EXTL3: variants seen among roughly 807,000 people sequenced by gnomAD.
The protein encoded by EXTL3 is exostosin-like 3.
Under a neutral mutation model 69.3 loss-of-function variants are expected in EXTL3, and 27 were observed. The observed-to-expected ratio is 0.39, with a 90% confidence interval of 0.29 to 0.54. The LOEUF (loss-of-function observed/expected upper bound fraction) is 0.54. Ranked by LOEUF, EXTL3 falls within the 20% of genes least tolerant of loss-of-function variation. The pLI is 0.69. For synonymous variants in EXTL3, 511 were observed against 499.4 expected, an observed-to-expected ratio of 1.02 and a Z score of -0.31; for missense variants, 1,003 against 1,231.8, an observed-to-expected ratio of 0.81 and a Z score of 2.78.
Position 28,750,950 on chromosome 8 carries a change from A to G in EXTL3, c.*84A>G, listed in dbSNP as rs1359277679. On this transcript the variant is annotated 3_prime_UTR_variant, in exon 7 of 7. Coordinates refer to ENST00000220562, the MANE Select transcript of EXTL3 (RefSeq NM_001440.4). This position sits in a 1 kb window ranked among gnomAD's most constrained non-coding sequence, Gnocchi z 5.2. ...TCCTAGGCATTGCAGGACCTTGGGC[A>G]CATCTGCTGGTGGGTGGCCCAGAGC... The G allele has an allele frequency of 3.0e-5, 37 of 1,231,336 alleles. No homozygotes were observed. Among genetic ancestry groups the G allele is most frequent in the Non-Finnish European group, 4.2e-5 (36 of 849,618 alleles). The allele number at this position is 1,231,336 out of a possible 1,614,324, so 76.3% of individuals were successfully genotyped here.
At chr8:28,748,480 G>C (rs1801935557) in intron 6 of EXTL3, among the ~76,000 whole-genome samples, 1 of 152,042 alleles carries the variant, frequency 6.6e-6, no homozygotes, top group African/African-American at 2.4e-5. Context: ...GTGTATAGTT[G>C]AGCTAATAAA....
At chr8:28,713,586 T>G (rs1331179598) in intron 2 of EXTL3, 36 bp downstream of exon 2, 1 of 695,152 alleles carries the variant, frequency 1.4e-6, no homozygotes, top group Non-Finnish European at 2.6e-6. Context: ...TTGCTGTGAT[T>G]ACGCCTTCTT....
intron 1 of EXTL3, among the ~76,000 whole-genome samples, chr8:28,658,598 C>CT (rs1290760301): frequency 5.3e-5 from 8 of 151,932 alleles, no homozygotes; most frequent in Non-Finnish European, 7.4e-5. Flanking sequence ...CTCATGCACT[C>CT]TTTTTTTGAG....
At position 28,737,620 on chromosome 8, in the gene EXTL3, G is replaced by A; in HGVS notation, c.2378G>A (p.Cys793Tyr). 2 of 1,614,126 alleles carry A rather than the reference G, an allele frequency of 1.2e-6. No individual in the cohort carries two copies. Among genetic ancestry groups the A allele is most frequent in the South Asian group, 1.1e-5 (1 of 91,080 alleles). The change falls in exon 5 of 7, where the codon TGT (cysteine) becomes TAT (tyrosine). Residue 793 changes from cysteine to tyrosine, a missense_variant. Transcript: ENST00000220562. Reference protein sequence around the residue: ...QSWLYNSNYSCELSMVLTGAA... With the variant: ...QSWLYNSNYSYELSMVLTGAA... ...TGGCTCTACAACTCCAACTACTCCT[G>A]TGAGCTGTCCATGGTGCTGACAGGT... is the stretch of plus-strand genomic sequence containing the variant.
chr8:28,656,883 G>GTCTTTCTTTCTTTCTTTCTTTCTTTCTT (rs150342301), intron 1 of EXTL3, among the ~76,000 whole-genome samples: 2 of 151,256 alleles, frequency 1.3e-5, no homozygotes, highest in Non-Finnish European at 3.0e-5. Flanking sequence ...ATTATGGTTG[G>GTCTTTCTTTCTTTCTTTCTTTCTTTCTT]TCTTTCTTTC....
At position 28,693,680 on chromosome 8, in the gene EXTL3, C is replaced by A. The variant is rs565210380; in HGVS notation, c.-52-19777C>A. 1.7e-3 allele frequency among the ~76,000 whole-genome samples: 252 copies of A among 152,304 alleles called. 1 individual carries two copies. Among genetic ancestry groups the A allele is most frequent in the African/African-American group, 5.8e-3 (243 of 41,582 alleles). On this transcript the variant is annotated intron_variant, in intron 1 of 6. Transcript: ENST00000523149. ...GGCCCCACCTTTGGCCAGACAAAAA[C>A]CAGCCACTTTTAAAAGGTAACATCA...
intron 1 of EXTL3, among the ~76,000 whole-genome samples, chr8:28,667,352 T>C (rs1807212995): frequency 6.6e-6 from 1 of 152,168 alleles, no homozygotes; most frequent in Non-Finnish European, 1.5e-5. Flanking sequence ...GGATGAGGCC[T>C]GGTCAAGAAG....
intron 1 of EXTL3, among the ~76,000 whole-genome samples, chr8:28,689,572 C>T (rs1448525453): frequency 6.6e-6 from 1 of 152,168 alleles, no homozygotes; most frequent in African/African-American, 2.4e-5. Flanking sequence ...ACTCTAGCAT[C>T]TACTAAAATA....
chr8:28,643,584 T>G (rs1013960861), intron 1 of EXTL3, among the ~76,000 whole-genome samples: 6 of 151,496 alleles, frequency 4.0e-5, no homozygotes, highest in Non-Finnish European at 8.8e-5. Context: ...CCGGCTAATT[T>G]TTTTTTTGTA....
At chr8:28,630,124 G>A (rs751884489) in intron 1 of EXTL3, among the ~76,000 whole-genome samples, 14 of 152,114 alleles carry the variant, frequency 9.2e-5, no homozygotes, top group African/African-American at 2.2e-4. Flanking sequence ...TCCATGTGTC[G>A]TGGGAGGGAC....
rs569825212 is a variant in EXTL3, at chr8:28,616,639, A to C, written n.314+8881A>C. Among the ~76,000 whole-genome samples, 421 of 152,076 alleles carry C rather than the reference A, an allele frequency of 2.8e-3. 1 individual carries two copies. Among genetic ancestry groups the C allele is most frequent in the African/African-American group, 8.8e-3 (363 of 41,456 alleles). ...GAGACTCCGTCTCAAAAAAAAAAAA[A>C]AGCCAAAATGTGTGCTCTTCAAGAT... On this transcript the variant is annotated intron_variant and non_coding_transcript_variant, in intron 2 of 4. Transcript: ENST00000522725.
intron 1 of EXTL3, among the ~76,000 whole-genome samples, chr8:28,681,623 T>C (rs556522846): frequency 1.6e-4 from 25 of 152,352 alleles, no homozygotes; most frequent in Admixed American, 2.6e-4. Context: ...CAGATATATC[T>C]TTAACATGCT....
intron 3 of EXTL3, among the ~76,000 whole-genome samples, chr8:28,722,900 C>A (rs1344955187): frequency 6.6e-6 from 1 of 151,518 alleles, no homozygotes; most frequent in Non-Finnish European, 1.5e-5. Context: ...ATATAAATAT[C>A]ATTCCAGGGG....
At chr8:28,688,026 G>A (rs1800552698) in intron 1 of EXTL3, among the ~76,000 whole-genome samples, 1 of 150,834 alleles carries the variant, frequency 6.6e-6, no homozygotes, top group Non-Finnish European at 1.5e-5. Context: ...GCCCCCCAGG[G>A]ATTAAAGAGT....
chr8:28,648,716 G>A (rs555445924), intron 1 of EXTL3, among the ~76,000 whole-genome samples: 15 of 151,596 alleles, frequency 9.9e-5, no homozygotes, highest in African/African-American at 3.6e-4. Flanking sequence ...ACATATGCAT[G>A]CACAGATCAT....
chr8:28,615,950 G>C (rs13260373), intron 2 of EXTL3, among the ~76,000 whole-genome samples: 45,067 of 151,828 alleles, frequency 0.3, 6,916 homozygotes, highest in African/African-American at 0.36. Context: ...AAATCTATCA[G>C]TAGGCCAGGC....
intron 1 of EXTL3, among the ~76,000 whole-genome samples, chr8:28,687,720 C>G (rs779382159): frequency 4.6e-5 from 7 of 151,986 alleles, no homozygotes; most frequent in Admixed American, 1.3e-4. Context: ...CCCAGACACA[C>G]AAGCATTTAA....
chr8:28,616,822 C>A (rs578220319), intron 2 of EXTL3, among the ~76,000 whole-genome samples: 30 of 152,336 alleles, frequency 2.0e-4, no homozygotes, highest in African/African-American at 6.7e-4. Flanking sequence ...CACCTGGAGA[C>A]TCCTCTTCAT....
intron 1 of EXTL3, among the ~76,000 whole-genome samples, chr8:28,652,509 C>A (rs1372983659): frequency 6.6e-6 from 1 of 151,906 alleles, no homozygotes; most frequent in Non-Finnish European, 1.5e-5. Flanking sequence ...AAAAAATTAT[C>A]TGGCTGTGGT....
Sources: allele counts gnomAD v4.1 joint callset (sites outside exome capture counted in the v4.1 genomes callset), GRCh38; gene constraint gnomAD v4.1.1; non-coding constraint Gnocchi (gnomAD v3.1); transcripts MANE v1.5; gene names NCBI Gene and HGNC (gene_info 2026-07-23, HGNC 2026-07-21).